PDE1C: variants seen among roughly 807,000 people sequenced by gnomAD.
PDE1C encodes phosphodiesterase 1C, also known as dual specificity calcium/calmodulin-dependent 3',5'-cyclic nucleotide phosphodiesterase 1C.
PDE1C carries 62 observed loss-of-function variants against 93.1 expected under a neutral mutation model. The observed-to-expected ratio is 0.67, with a 90% confidence interval of 0.54 to 0.82. The LOEUF is 0.82. Ranked by LOEUF, PDE1C falls within the 40% of genes least tolerant of loss-of-function variation. The pLI, the probability that PDE1C is intolerant of heterozygous loss-of-function variation, is 0.00. For synonymous variants in PDE1C, 325 were observed against 310.1 expected (o/e 1.05, Z -0.50); for missense variants, 742 against 884.6 (o/e 0.84, Z 2.04).
At chr7:32,180,564 CT>C (rs1803326834) in intron 2 of PDE1C, among the ~76,000 whole-genome samples, 1 of 152,156 alleles carries the variant, frequency 6.6e-6, no homozygotes, top group African/African-American at 2.4e-5. Context: ...CAGTCATCAT[CT>C]TGGAAGCAGA....
At chr7:32,400,610 A>C (rs545610611) in intron 1 of PDE1C, among the ~76,000 whole-genome samples, 1 of 152,328 alleles carries the variant, frequency 6.6e-6, no homozygotes, top group South Asian at 2.1e-4. Flanking sequence ...TTTCTCCTGG[A>C]GCTGGTGTTC....
chr7:32,057,559 C>T (rs1384155311), intron 1 of PDE1C, among the ~76,000 whole-genome samples: 1 of 152,136 alleles, frequency 6.6e-6, no homozygotes, highest in Non-Finnish European at 1.5e-5. Context: ...AAATAGGTTC[C>T]CCAAAGCTCT....
intron 2 of PDE1C, among the ~76,000 whole-genome samples, chr7:32,046,702 C>T (rs1584587643): frequency 6.6e-6 from 1 of 152,036 alleles, no homozygotes; most frequent in African/African-American, 2.4e-5. Flanking sequence ...TGAGGGACAC[C>T]TTTGTCTAAA....
intron 17 of PDE1C, among the ~76,000 whole-genome samples, chr7:31,772,540 G>C (rs1490376880): frequency 6.7e-6 from 1 of 150,340 alleles, no homozygotes; most frequent in African/African-American, 2.5e-5. Context: ...TCCCAGAGTT[G>C]TTTGTCTCTG....
intron 1 of PDE1C, among the ~76,000 whole-genome samples, chr7:32,370,631 C>A (rs1365426559): frequency 6.8e-6 from 1 of 147,820 alleles, no homozygotes; most frequent in Non-Finnish European, 1.5e-5. Flanking sequence ...ACACCGGGGC[C>A]TGTCATGGGG....
chr7:32,035,823 T>C (rs28857), intron 2 of PDE1C, among the ~76,000 whole-genome samples: 106,280 of 152,130 alleles, frequency 0.7, 37,408 homozygotes, highest in East Asian at 0.79. Context: ...CAGCTCTTGC[T>C]TCTGATGGCA....
chr7:31,959,362 A>G lies in PDE1C; in HGVS notation c.129-78502T>C, dbSNP rs1320296464. Among the ~76,000 whole-genome samples, 3 of 152,076 alleles carry G rather than the reference A, an allele frequency of 2.0e-5. No individual in the cohort carries two copies. In the East Asian group the frequency reaches 5.8e-4, roughly 29 times the overall value. On this transcript the variant is annotated intron_variant, in intron 2 of 17. Transcript: ENST00000396191. ...CAAGTAGCTAGGATTATAAGTGTGC[A>G]CAACTACGCCCAGCTAATTTTTGTA... is the stretch of plus-strand genomic sequence containing the variant.
At chr7:32,358,881 T>TTGTGTGTGTGTGTGTGTGTGTGTGTGTG (rs66808716) in intron 1 of PDE1C, among the ~76,000 whole-genome samples, 1 of 147,566 alleles carries the variant, frequency 6.8e-6, no homozygotes, top group African/African-American at 2.5e-5. Flanking sequence ...TCATCTAACA[T>TTGTGTGTGTGTGTGTGTGTGTGTGTGTG]TGTGTGTGTG....
At chr7:31,617,772 TTGAAGATAATAAAGATAAAATGAAAA>T in the PDE1C span, among the ~76,000 whole-genome samples, 1 of 152,090 alleles carries the variant, frequency 6.6e-6, no homozygotes, top group Non-Finnish European at 1.5e-5. Flanking sequence ...TTGGTTGAAA[TTGAAGATAATAAAGATAAAATGAAAA>T]TGAAGATAAA....
chr7:32,277,758 C>G (rs1463827761), intron 1 of PDE1C, among the ~76,000 whole-genome samples: 3 of 152,232 alleles, frequency 2.0e-5, no homozygotes, highest in Non-Finnish European at 2.9e-5. Context: ...TCCACCTCTT[C>G]CAAATCTAAG....
intron 1 of PDE1C, among the ~76,000 whole-genome samples, chr7:32,069,000 GC>G (rs2128723952): frequency 1.3e-5 from 2 of 152,276 alleles, no homozygotes; most frequent in East Asian, 3.9e-4. Context: ...TGTCAGGAAA[GC>G]CTGCCAGCCA....
intron 1 of PDE1C, among the ~76,000 whole-genome samples, chr7:32,365,913 A>G (rs1434136485): frequency 6.6e-6 from 1 of 152,166 alleles, no homozygotes; most frequent in African/African-American, 2.4e-5. Context: ...ATCCCAAAAC[A>G]CATTCCTATG....
At chr7:32,176,135 C>G (rs902089712) in intron 2 of PDE1C, among the ~76,000 whole-genome samples, 2 of 152,212 alleles carry the variant, frequency 1.3e-5, no homozygotes, top group African/African-American at 4.8e-5. Flanking sequence ...AGTCCTCATG[C>G]TGCTCCCCTT....
At chr7:32,082,351 G>C (rs201237901) in intron 3 of PDE1C, among the ~76,000 whole-genome samples, 20,424 of 151,408 alleles carry the variant, frequency 0.13, 981 homozygotes, top group East Asian at 0.32. Flanking sequence ...GGTAAACAAA[G>C]CAGCCGGGAA....
chr7:32,319,914 A>G (rs982825296), intron 1 of PDE1C, among the ~76,000 whole-genome samples: 3 of 152,186 alleles, frequency 2.0e-5, no homozygotes, highest in Admixed American at 6.5e-5. Context: ...TTGAACATAG[A>G]TAGGTAAAAA....
At chr7:32,388,081 A>T (rs539721872) in intron 1 of PDE1C, among the ~76,000 whole-genome samples, 2 of 152,348 alleles carry the variant, frequency 1.3e-5, no homozygotes, top group East Asian at 3.9e-4. Context: ...TGCTGGAGAA[A>T]TATCAAAATC....
intron 2 of PDE1C, chr7:31,941,266 G>C (rs1239793449): frequency 6.4e-6 from 1 of 156,452 alleles, no homozygotes; most frequent in Non-Finnish European, 1.4e-5. Flanking sequence ...CCCCTGACTG[G>C]AGGGACCTGT....
At chr7:31,759,342 G>A (rs1211083711) in intron 17 of PDE1C, among the ~76,000 whole-genome samples, 2 of 152,050 alleles carry the variant, frequency 1.3e-5, no homozygotes, top group African/African-American at 4.8e-5. Context: ...CTATCGGAAG[G>A]GGTCCGACCC....
intron 1 of PDE1C, among the ~76,000 whole-genome samples, chr7:32,384,725 A>G (rs1250968441): frequency 2.0e-5 from 3 of 152,238 alleles, no homozygotes; most frequent in Admixed American, 6.5e-5. Flanking sequence ...AGATTTTTAA[A>G]AAGAAGAGAT....
Sources: gnomAD v4.1 joint callset for allele counts (sites outside exome capture counted in the v4.1 genomes callset) on GRCh38, gnomAD v4.1.1 for gene constraint, MANE v1.5 for transcripts, NCBI Gene and HGNC (gene_info 2026-07-23, HGNC 2026-07-21) for gene names.